SLC26A4: variants seen among roughly 807,000 people sequenced by gnomAD.
The protein encoded by SLC26A4 is solute carrier family 26 member 4, also known as pendrin.
Under a neutral mutation model 90.4 loss-of-function variants are expected in SLC26A4, and 93 were observed. That is an observed-to-expected ratio of 1.03 (90% CI 0.87 to 1.22). The LOEUF (loss-of-function observed/expected upper bound fraction) is 1.22. Among genes scored for constraint, SLC26A4 ranks in the 50% most tolerant of loss-of-function variants. SLC26A4 has a pLI of 0.00. For missense variants in SLC26A4, 1,127 were observed against 946.2 expected (o/e 1.19, Z -2.51); for synonymous variants, 393 against 354.6 (o/e 1.11, Z -1.22).
chr7:107,681,854 C>G (rs1791238412), intron 6 of SLC26A4, among the ~76,000 whole-genome samples: 1 of 151,840 alleles, frequency 6.6e-6, no homozygotes, highest in East Asian at 1.9e-4. Context: ...AGAGGTTGGG[C>G]AGGAGGATTT....
chr7:107,711,649 TA>T (rs1792191927), intron 19 of SLC26A4, among the ~76,000 whole-genome samples: 1 of 152,220 alleles, frequency 6.6e-6, no homozygotes, highest in Non-Finnish European at 1.5e-5. Flanking sequence ...CAAAGCTTTA[TA>T]TGTGATAAGT....
At chr7:107,679,224 T>C (rs1419164734) in intron 6 of SLC26A4, among the ~76,000 whole-genome samples, 8 of 152,206 alleles carry the variant, frequency 5.3e-5, no homozygotes, top group African/African-American at 7.2e-5. Flanking sequence ...CACCACTCAA[T>C]TTGAATGGTT....
At chr7:107,705,807 T>A (rs1475490733) in intron 18 of SLC26A4, among the ~76,000 whole-genome samples, 1 of 152,238 alleles carries the variant, frequency 6.6e-6, no homozygotes, top group Non-Finnish European at 1.5e-5. Context: ...CTTGGAGCTG[T>A]CTACAGCATG....
At chr7:107,706,172 A>G (rs1792032524) in intron 18 of SLC26A4, among the ~76,000 whole-genome samples, 1 of 152,224 alleles carries the variant, frequency 6.6e-6, no homozygotes, top group African/African-American at 2.4e-5. Flanking sequence ...CTCCATTTCT[A>G]TCAAAGACGA....
intron 18 of SLC26A4, among the ~76,000 whole-genome samples, chr7:107,708,941 G>T (rs1792105893): frequency 1.3e-5 from 2 of 152,204 alleles, no homozygotes; most frequent in South Asian, 4.1e-4. Context: ...CTTTATGAAT[G>T]TATGTGTGTA....
In SLC26A4 at chr7:107,662,047, A is replaced by G; in HGVS notation, c.164+242A>G. On this transcript the variant is annotated intron_variant, in intron 2 of 20. Coordinates refer to ENST00000644269, the MANE Select transcript of SLC26A4 (RefSeq NM_000441.2). ...ACCTGGGAAACTCGCCTTTGGGGAG[A>G]GTGGGTTCTAGGAGCCCCGTCTCTC... 3 of 573,134 alleles carry G rather than the reference A, an allele frequency of 5.2e-6. No individual in the cohort carries two copies. The Admixed American group carries it at 9.4e-5, about 18-fold the overall frequency. 35.5% of individuals were successfully genotyped at this position (573,134 alleles called of 1,614,324 possible).
intron 3 of SLC26A4, among the ~76,000 whole-genome samples, chr7:107,666,912 A>G (rs1480854561): frequency 1.3e-5 from 2 of 152,194 alleles, no homozygotes; most frequent in East Asian, 3.9e-4. Context: ...TGGGTGTGTC[A>G]GCTTGAACCA....
At chr7:107,700,007 G>T in intron 14 of SLC26A4, 76 bp from the exon 15 acceptor site, 1 of 884,300 alleles carries the variant, frequency 1.1e-6, no homozygotes. Flanking sequence ...TTGACTCCTT[G>T]CTAAGTAGCC....
chr7:107,669,466 A>G (rs1293265432), intron 3 of SLC26A4, among the ~76,000 whole-genome samples: 1 of 152,212 alleles, frequency 6.6e-6, no homozygotes. Context: ...AAATGTCCAT[A>G]TGAAATAGAC....
intron 6 of SLC26A4, 122 bp downstream of exon 6, chr7:107,675,231 C>A (rs1030980923): frequency 2.3e-6 from 2 of 862,374 alleles, no homozygotes; most frequent in South Asian, 1.3e-5. Flanking sequence ...TTTGGAAGGC[C>A]GAGGTGGGCA....
rs1445751500 is a variant in SLC26A4, at chr7:107,716,007, A to T, written c.*561A>T. 6.6e-6 allele frequency: 1 copy of T among 152,624 alleles called. No individual in the cohort carries two copies. The highest frequency in any genetic ancestry group is 1.5e-5 in the Non-Finnish European group (1 of 68,308). 9.5% of individuals were successfully genotyped at this position (152,624 alleles called of 1,614,324 possible). A position where few individuals can be genotyped will look rare whatever the true frequency, so the allele number is the denominator to read the frequency against. Reference sequence around the variant, plus strand: ...ATCTAATAATGAAGTGTTATTACATATAGCCGGAATTGAGGATCTCTTTGA... The same window carrying T: ...ATCTAATAATGAAGTGTTATTACATTTAGCCGGAATTGAGGATCTCTTTGA... On this transcript the variant is annotated 3_prime_UTR_variant, in exon 21 of 21. Transcript: ENST00000644269.
rs1012017100 is a variant in SLC26A4 at position 107,709,943 on chromosome 7, C to T, written c.2090-111C>T. The T allele has an allele frequency of 6.0e-6, 5 of 839,800 alleles. No individual in the cohort carries two copies. In the African/African-American group the frequency reaches 6.7e-5, roughly 11 times the overall value. 52.0% of individuals were successfully genotyped at this position (839,800 alleles called of 1,614,324 possible). On this transcript the variant is annotated intron_variant, in intron 18 of 20. Transcript: ENST00000644269. Reference sequence around the variant, plus strand: ...CTTGGGACGCGGAGGTTGCAGTGAGCAATGATGCCACTGCACTCCAGCCTG... The same window carrying T: ...CTTGGGACGCGGAGGTTGCAGTGAGTAATGATGCCACTGCACTCCAGCCTG...
intron 14 of SLC26A4, among the ~76,000 whole-genome samples, chr7:107,698,729 G>A (rs569686684): frequency 5.9e-4 from 90 of 152,272 alleles, no homozygotes; most frequent in African/African-American, 2.1e-3. Flanking sequence ...CTTATCTTCT[G>A]TAAGATTTTC....
chr7:107,695,033 C>A (rs903339094), intron 12 of SLC26A4, among the ~76,000 whole-genome samples: 2 of 152,132 alleles, frequency 1.3e-5, no homozygotes, highest in African/African-American at 4.8e-5. Context: ...AAACAACATA[C>A]AAAACAATGC....
intron 3 of SLC26A4, among the ~76,000 whole-genome samples, chr7:107,667,340 G>C (rs1408180366): frequency 6.6e-6 from 1 of 151,572 alleles, no homozygotes; most frequent in East Asian, 1.9e-4. Context: ...GAGAGCCAGA[G>C]TACTTAGAAG....
At chr7:107,709,230 C>T (rs1315278836) in intron 18 of SLC26A4, among the ~76,000 whole-genome samples, 1 of 152,162 alleles carries the variant, frequency 6.6e-6, no homozygotes, top group Non-Finnish European at 1.5e-5. Context: ...CAGTCAGTGG[C>T]TGCAGGCCAG....
chr7:107,712,823 A>G (rs1792229121), intron 20 of SLC26A4, among the ~76,000 whole-genome samples: 1 of 152,224 alleles, frequency 6.6e-6, no homozygotes, highest in Admixed American at 6.5e-5. Context: ...CTTTTGTCCC[A>G]GGCATTTGGG....
At chr7:107,686,430 T>TTTC (rs1243154178) in intron 8 of SLC26A4, among the ~76,000 whole-genome samples, 1 of 87,610 alleles carries the variant, frequency 1.1e-5, no homozygotes, top group Non-Finnish European at 2.1e-5. Context: ...TCTTTCTTTC[T>TTTC]TTCTTTCTTT....
intron 3 of SLC26A4, among the ~76,000 whole-genome samples, chr7:107,665,206 A>G (rs1156986372): frequency 6.6e-6 from 1 of 152,074 alleles, no homozygotes. Context: ...AAAATAGACT[A>G]TTTCAGAAGC....
Sources: gnomAD v4.1 joint callset for allele counts (sites outside exome capture counted in the v4.1 genomes callset) on GRCh38, gnomAD v4.1.1 for gene constraint, MANE v1.5 for transcripts, NCBI Gene and HGNC (gene_info 2026-07-23, HGNC 2026-07-21) for gene names.